The following ECM2 variants were observed in gnomAD, a reference collection of about 807,000 sequenced individuals.
The protein encoded by ECM2 is extracellular matrix protein 2.
Under a neutral mutation model 67.5 loss-of-function variants are expected in ECM2, and 57 were observed. The ratio of observed to expected loss-of-function variants is 0.84; its 90% CI spans 0.68 to 1.05. The LOEUF is 1.05. Among genes scored for constraint, ECM2 ranks in the 50% least tolerant of loss-of-function variants. The pLI is 0.00. For synonymous variants in ECM2, 258 were observed against 294.5 expected, an observed-to-expected ratio of 0.88 and a Z score of 1.27; for missense variants, 741 against 822.8, an observed-to-expected ratio of 0.90 and a Z score of 1.22.
intron 1 of ECM2, among the ~76,000 whole-genome samples, chr9:92,532,015 G>GTTTTTTTTTTTGTTTTT (rs1848801440): frequency 1.0e-5 from 1 of 95,726 alleles, no homozygotes. Flanking sequence ...TTTATTTAAT[G>GTTTTTTTTTTTGTTTTT]TTTTTTTTTT....
At chr9:92,528,543 G>A (rs1848552065) in intron 1 of ECM2, among the ~76,000 whole-genome samples, 1 of 123,038 alleles carries the variant, frequency 8.1e-6, no homozygotes, top group Non-Finnish European at 1.6e-5. Flanking sequence ...GGACAAAGGG[G>A]AAAACAAAGC....
At chr9:92,550,932 C>T in the ECM2 span, among the ~76,000 whole-genome samples, 1 of 152,150 alleles carries the variant, frequency 6.6e-6, no homozygotes, top group Non-Finnish European at 1.5e-5. Context: ...GGCTCTTTCC[C>T]CAGCTCCATA....
chr9:92,544,645 A>T, the ECM2 span, among the ~76,000 whole-genome samples: 1 of 151,910 alleles, frequency 6.6e-6, no homozygotes, highest in Non-Finnish European at 1.5e-5. Flanking sequence ...GGCAAGACTG[A>T]TGCATGAAAA....
intron 4 of ECM2, among the ~76,000 whole-genome samples, chr9:92,513,889 A>C (rs1345992448): frequency 6.6e-6 from 1 of 152,234 alleles, no homozygotes; most frequent in Non-Finnish European, 1.5e-5. Context: ...TATACTAAAA[A>C]TAAGTTTTAC....
At position 92,509,884 on chromosome 9, in the gene ECM2, A is replaced by G. The variant is rs1847231480; in HGVS notation, c.1306+15T>C. On this transcript the variant is annotated intron_variant, in intron 6 of 9. Transcript: ENST00000344604. The stretch of plus-strand genomic sequence containing the variant: ...TTATAAGGAAGCATATCATTGAAAA[A>G]CAAATATTAAATACCTGATAAACTT... 6.3e-7 allele frequency: 1 copy of G among 1,594,442 alleles called. No homozygotes were observed. Among genetic ancestry groups the G allele is most frequent in the Non-Finnish European group, 8.5e-7 (1 of 1,175,434 alleles).
the ECM2 span, among the ~76,000 whole-genome samples, chr9:92,552,190 T>TATATGTGATATGATAGATCTATCATAC: frequency 1.9e-5 from 2 of 106,404 alleles, no homozygotes; most frequent in Non-Finnish European, 3.9e-5. Flanking sequence ...ATCTATCATA[T>TATATGTGATATGATAGATCTATCATAC]ACACACACAC....
At chr9:92,516,072 T>TCCCCCCCCCCC (rs76297691) in intron 3 of ECM2, among the ~76,000 whole-genome samples, 8 of 139,782 alleles carry the variant, frequency 5.7e-5, no homozygotes, top group Non-Finnish European at 9.7e-5. Context: ...TACTTTTTTT[T>TCCCCCCCCCCC]CCCCCCCCCG....
chr9:92,545,337 G>A, the ECM2 span, among the ~76,000 whole-genome samples: 1 of 152,226 alleles, frequency 6.6e-6, no homozygotes, highest in African/African-American at 2.4e-5. Context: ...TTCTGGGTGG[G>A]CGTGGGCTTG....
At chr9:92,524,234 A>G (rs987853087) in intron 1 of ECM2, among the ~76,000 whole-genome samples, 2 of 152,212 alleles carry the variant, frequency 1.3e-5, no homozygotes, top group African/African-American at 2.4e-5. Context: ...AATAACAGTC[A>G]ATAGCATCAG....
chr9:92,537,383 G>A (rs186196464), upstream of ECM2, among the ~76,000 whole-genome samples: 96 of 152,160 alleles, frequency 6.3e-4, no homozygotes, highest in Non-Finnish European at 7.4e-4. Context: ...AAAACTAGCT[G>A]AGTGCAGTGG....
At chr9:92,554,670 A>C in the ECM2 span, among the ~76,000 whole-genome samples, 4 of 150,278 alleles carry the variant, frequency 2.7e-5, no homozygotes, top group African/African-American at 2.4e-5. Flanking sequence ...TGGAGTCTTG[A>C]TCTGTCACCC....
At chr9:92,521,584 A>G (rs1201374289) in intron 2 of ECM2, among the ~76,000 whole-genome samples, 1 of 152,162 alleles carries the variant, frequency 6.6e-6, no homozygotes, top group African/African-American at 2.4e-5. Flanking sequence ...TATTCTTTTG[A>G]AAGTTTTATT....
chr9:92,494,219 G>T, downstream of ECM2: 2 of 1,495,746 alleles, frequency 1.3e-6, no homozygotes, highest in South Asian at 1.2e-5. Flanking sequence ...ATCCCAAGAT[G>T]CTAGTTCTGC....
chr9:92,502,406 G>A (rs1283031922), intron 8 of ECM2, 107 bp downstream of exon 8: 2 of 1,373,248 alleles, frequency 1.5e-6, no homozygotes, highest in East Asian at 2.4e-5. Flanking sequence ...GAGCCCTTCA[G>A]TATCGTCACC....
Position 92,512,078 on chromosome 9 carries a change from T to C in ECM2, c.1103A>G (p.Asn368Ser), listed in dbSNP as rs1340142832. 1 of 1,613,912 alleles carries C rather than the reference T, an allele frequency of 6.2e-7. No individual in the cohort carries two copies. The highest frequency in any genetic ancestry group is 1.7e-5 in the Admixed American group (1 of 60,008). The change falls in exon 5 of 10, where the codon AAT becomes AGT. Residue 368 changes from asparagine (N) to serine (S), a missense_variant. Coordinates refer to ENST00000344604, the MANE Select transcript of ECM2 (RefSeq NM_001393.4). ...IPDEAFNGLPNLERLDLSKNN... is the reference protein window; with the variant it reads ...IPDEAFNGLPSLERLDLSKNN... ...TTTACTCAGATCAAGCCTTTCCAAATTTGGTAATCCATTAAATGCTTCATC... is the reference window on the plus strand; with the variant it reads ...TTTACTCAGATCAAGCCTTTCCAAACTTGGTAATCCATTAAATGCTTCATC...
the ECM2 span, among the ~76,000 whole-genome samples, chr9:92,544,779 G>T: frequency 6.7e-6 from 1 of 148,540 alleles, no homozygotes; most frequent in South Asian, 2.1e-4. Context: ...GCAGTGGCGC[G>T]ATCTCAGCTC....
At chr9:92,554,764 A>G in the ECM2 span, among the ~76,000 whole-genome samples, 1 of 151,934 alleles carries the variant, frequency 6.6e-6, no homozygotes, top group South Asian at 2.1e-4. Context: ...CAGCCTCCCA[A>G]ATAGCTGAGA....
chr9:92,552,073 GATCTATCATATAT>G, the ECM2 span, among the ~76,000 whole-genome samples: 6 of 125,584 alleles, frequency 4.8e-5, no homozygotes, highest in African/African-American at 1.1e-4. Flanking sequence ...TGATATGATA[GATCTATCATATAT>G]GTGATATGAT....
At position 92,517,880 on chromosome 9, in the gene ECM2, A is replaced by G; in HGVS notation, c.293-5T>C. 6.2e-7 allele frequency: 1 copy of G among 1,613,436 alleles called. No individual in the cohort carries two copies. The highest frequency in any genetic ancestry group is 8.5e-7 in the Non-Finnish European group (1 of 1,179,708). On this transcript the variant is annotated splice_polypyrimidine_tract_variant and splice_region_variant and intron_variant, in intron 2 of 9. Transcript: ENST00000344604. Reference sequence around the variant, plus strand: ...CCAAACAGTGTCCCTTCTTTCCTAGAAGAAAACAAAAGCACAAATTTAAAT... The same window carrying G: ...CCAAACAGTGTCCCTTCTTTCCTAGGAGAAAACAAAAGCACAAATTTAAAT...
Sources: allele counts gnomAD v4.1 joint callset (sites outside exome capture counted in the v4.1 genomes callset), GRCh38; gene constraint gnomAD v4.1.1; transcripts MANE v1.5; gene names NCBI Gene and HGNC (gene_info 2026-07-23, HGNC 2026-07-21).